RAP1A: variants seen among roughly 807,000 people sequenced by gnomAD.
RAP1A encodes ras-related protein Rap-1A.
Under a neutral mutation model 26.4 loss-of-function variants are expected in RAP1A, and 6 were observed. The observed-to-expected ratio is 0.23, with a 90% CI of 0.12 to 0.45. The LOEUF is 0.45. Among genes scored for constraint, RAP1A ranks in the 20% least tolerant of loss-of-function variants. The probability of loss-of-function intolerance (pLI) is 0.99; values close to 1 mark genes in which losing one functional copy is unlikely to be tolerated. For missense variants in RAP1A, 121 were observed against 217.2 expected (o/e 0.56, Z 2.78); for synonymous variants, 73 against 79.4 (o/e 0.92, Z 0.43).
At chr1:111,604,860 T>G (rs1239159385) in intron 1 of RAP1A, among the ~76,000 whole-genome samples, 2 of 152,184 alleles carry the variant, frequency 1.3e-5, no homozygotes, top group African/African-American at 2.4e-5. Flanking sequence ...GGACCATGTT[T>G]ATCTCCATTT....
At chr1:111,655,269 A>AC (rs1046261689) in intron 1 of RAP1A, among the ~76,000 whole-genome samples, 4 of 151,450 alleles carry the variant, frequency 2.6e-5, no homozygotes, top group South Asian at 4.2e-4. Flanking sequence ...AATAAAACAA[A>AC]AAAAAAAACA....
chr1:111,586,386 G>A (rs1215626332), intron 1 of RAP1A, among the ~76,000 whole-genome samples: 2 of 152,056 alleles, frequency 1.3e-5, no homozygotes, highest in African/African-American at 4.8e-5. Context: ...AAACAACCAG[G>A]AACCTGGGCA....
chr1:111,579,817 T>TATTC (rs1326864972), intron 1 of RAP1A, among the ~76,000 whole-genome samples: 1 of 125,896 alleles, frequency 7.9e-6, no homozygotes, highest in African/African-American at 2.6e-5. Flanking sequence ...TTTATTTATT[T>TATTC]ATTTATTTAT....
intron 1 of RAP1A, among the ~76,000 whole-genome samples, chr1:111,668,568 T>TAACTTG (rs775659320): frequency 1.2e-4 from 19 of 152,320 alleles, no homozygotes; most frequent in Non-Finnish European, 2.6e-4. Flanking sequence ...AATGGGGATG[T>TAACTTG]AACTTGACCA....
intron 1 of RAP1A, among the ~76,000 whole-genome samples, chr1:111,635,078 T>C (rs1659687798): frequency 6.6e-6 from 1 of 152,234 alleles, no homozygotes; most frequent in South Asian, 2.1e-4. Context: ...AAATAATAAA[T>C]AGGATTTCTG....
At chr1:111,619,492 G>A (rs183819529), upstream of RAP1A, among the ~76,000 whole-genome samples, 9 of 152,294 alleles carry the variant, frequency 5.9e-5, no homozygotes, top group Admixed American at 5.9e-4. Flanking sequence ...CTCAATTAGG[G>A]CTTGTCGAAT....
chr1:111,546,120 G>C (rs1311670088), intron 1 of RAP1A, among the ~76,000 whole-genome samples: 1 of 152,088 alleles, frequency 6.6e-6, no homozygotes, highest in East Asian at 1.9e-4. Context: ...ATTTCCACAT[G>C]GATTTTAGGA....
intron 1 of RAP1A, among the ~76,000 whole-genome samples, chr1:111,690,709 A>G (rs1477231469): frequency 6.6e-6 from 1 of 152,222 alleles, no homozygotes; most frequent in Non-Finnish European, 1.5e-5. Context: ...ACCTTTTAAG[A>G]TAATCATGGA....
At chr1:111,623,121 G>A (rs1169094878) in intron 1 of RAP1A, among the ~76,000 whole-genome samples, 2 of 151,788 alleles carry the variant, frequency 1.3e-5, no homozygotes, top group African/African-American at 2.4e-5. Flanking sequence ...GGGTTCAAGC[G>A]ATTCTCCTGT....
intron 1 of RAP1A, among the ~76,000 whole-genome samples, chr1:111,664,665 C>A (rs1376693887): frequency 1.3e-5 from 2 of 152,132 alleles, no homozygotes; most frequent in African/African-American, 2.4e-5. Flanking sequence ...TCCTCAGCTT[C>A]CTTCCCAAAG....
intron 1 of RAP1A, among the ~76,000 whole-genome samples, chr1:111,646,428 A>AC (rs1319293394): frequency 6.9e-6 from 1 of 144,792 alleles, no homozygotes; most frequent in African/African-American, 2.7e-5. Flanking sequence ...TGTAAAAAAA[A>AC]AAAAAACAAA....
intron 1 of RAP1A, among the ~76,000 whole-genome samples, chr1:111,556,768 T>C (rs1571464711): frequency 6.6e-6 from 1 of 152,118 alleles, no homozygotes; most frequent in African/African-American, 2.4e-5. Flanking sequence ...GTTTAATGGG[T>C]ATAAAGCTTT....
intron 1 of RAP1A, among the ~76,000 whole-genome samples, chr1:111,627,933 A>G (rs1289982451): frequency 6.7e-6 from 1 of 148,804 alleles, no homozygotes; most frequent in Non-Finnish European, 1.5e-5. Context: ...TGACTTTGAA[A>G]AAACAAAAAA....
chr1:111,670,468 C>T (rs1187482316), intron 1 of RAP1A, among the ~76,000 whole-genome samples: 1 of 152,002 alleles, frequency 6.6e-6, no homozygotes, highest in Non-Finnish European at 1.5e-5. Flanking sequence ...AGTTGAGACT[C>T]TGTCTCAAAC....
chr1:111,597,967 G>A (rs1658591811), intron 1 of RAP1A, among the ~76,000 whole-genome samples: 2 of 152,186 alleles, frequency 1.3e-5, no homozygotes, highest in African/African-American at 4.8e-5. Flanking sequence ...TAGGAAAAAG[G>A]GGAAGAAACA....
intron 1 of RAP1A, among the ~76,000 whole-genome samples, chr1:111,658,626 C>T (rs1290138379): frequency 6.6e-6 from 1 of 152,178 alleles, no homozygotes. Context: ...TAAGATGTCA[C>T]TAGGCAATAG....
intron 1 of RAP1A, among the ~76,000 whole-genome samples, chr1:111,614,242 G>A (rs1571498452): frequency 6.6e-6 from 1 of 152,106 alleles, no homozygotes; most frequent in African/African-American, 2.4e-5. Flanking sequence ...TGTCATCATT[G>A]GTAGCATTAG....
intron 4 of RAP1A, among the ~76,000 whole-genome samples, chr1:111,697,713 G>A (rs537638628): frequency 6.6e-6 from 1 of 152,044 alleles, no homozygotes; most frequent in South Asian, 2.1e-4. Context: ...TGTGTGTTGG[G>A]TTTCTTCCTA....
At chr1:111,549,075 T>TTTGTTAGTA (rs1348807380) in intron 1 of RAP1A, among the ~76,000 whole-genome samples, 2 of 152,174 alleles carry the variant, frequency 1.3e-5, no homozygotes, top group Non-Finnish European at 2.9e-5. Flanking sequence ...CTGAAGTCAA[T>TTTGTTAGTA]TTGTTAGTAT....
Sources: allele counts gnomAD v4.1 joint callset (sites outside exome capture counted in the v4.1 genomes callset), GRCh38; gene constraint gnomAD v4.1.1; transcripts MANE v1.5; gene names NCBI Gene and HGNC (gene_info 2026-07-23, HGNC 2026-07-21).